Variants in NHSL1 observed in about 807,000 individuals in gnomAD.
The protein encoded by NHSL1 is NHS-like protein 1.
A neutral mutation model predicts 95.0 loss-of-function variants in NHSL1; 48 were observed. The ratio of observed to expected loss-of-function variants is 0.51; its 90% confidence interval spans 0.40 to 0.64. The LOEUF (loss-of-function observed/expected upper bound fraction) is 0.64. Among genes scored for constraint, NHSL1 ranks in the 30% least tolerant of loss-of-function variants. The probability of loss-of-function intolerance (pLI) is 0.00; values close to 1 mark genes in which losing one functional copy is unlikely to be tolerated. For missense variants in NHSL1, 1,971 were observed against 2,077.7 expected (o/e 0.95, Z 1.00); for synonymous variants, 783 against 833.9 (o/e 0.94, Z 1.05).
At chr6:138,627,223 A>C (rs1784752150) in intron 1 of NHSL1, among the ~76,000 whole-genome samples, 1 of 152,190 alleles carries the variant, frequency 6.6e-6, no homozygotes, top group Non-Finnish European at 1.5e-5. Flanking sequence ...GCTACCTACC[A>C]CACAGTCTGT....
chr6:138,512,907 T>A (rs921663563), intron 1 of NHSL1, among the ~76,000 whole-genome samples: 1 of 152,228 alleles, frequency 6.6e-6, no homozygotes, highest in Non-Finnish European at 1.5e-5. Context: ...GTTACCTCCC[T>A]TCTCCACAAC....
intron 1 of NHSL1, among the ~76,000 whole-genome samples, chr6:138,543,215 C>T (rs73557335): frequency 6.6e-6 from 1 of 152,074 alleles, no homozygotes; most frequent in African/African-American, 2.4e-5. Context: ...ACGTACCATG[C>T]CTTTGTTAGC....
intron 1 of NHSL1, among the ~76,000 whole-genome samples, chr6:138,602,177 CT>C (rs1784378936): frequency 6.6e-6 from 1 of 152,194 alleles, no homozygotes; most frequent in Non-Finnish European, 1.5e-5. Flanking sequence ...GATATCTTTA[CT>C]ATGGTGTGTC....
chr6:138,527,027 A>G (rs1014368648), intron 1 of NHSL1, among the ~76,000 whole-genome samples: 9 of 152,278 alleles, frequency 5.9e-5, no homozygotes, highest in African/African-American at 1.9e-4. Flanking sequence ...CTACCCTGTC[A>G]TGTGTCTAAC....
chr6:138,499,240 C>CTTAAAAAG lies in NHSL1; in HGVS notation c.43_50dup (p.Lys17AsnfsTer11). 1 of 1,546,884 alleles carries CTTAAAAAG rather than the reference C, an allele frequency of 6.5e-7. No homozygotes were observed. The highest frequency in any genetic ancestry group is 8.7e-7 in the Non-Finnish European group (1 of 1,143,052). Reference sequence around the variant, plus strand: ...AGAAAAGGAACTACTTACTTTTCTTCTTAAAAAGTTTAATTAAAGACTTAA... The same window carrying CTTAAAAAG: ...AGAAAAGGAACTACTTACTTTTCTTCTTAAAAAGTTAAAAAGTTTAATTAAAGACTTAA... On this transcript the variant is annotated frameshift_variant, in exon 1 of 8. Transcript: ENST00000343505. LOFTEE classifies it high-confidence loss of function.
intron 1 of NHSL1, among the ~76,000 whole-genome samples, chr6:138,690,273 G>C (rs1349219347): frequency 2.0e-5 from 3 of 152,200 alleles, no homozygotes; most frequent in Non-Finnish European, 4.4e-5. Flanking sequence ...AATCCTAACA[G>C]ATGGTAATGC....
intron 4 of NHSL1, among the ~76,000 whole-genome samples, chr6:138,444,884 C>T (rs1928277): frequency 0.24 from 36,079 of 152,008 alleles, 7,469 homozygotes; most frequent in African/African-American, 0.52. Flanking sequence ...TCAATAAATA[C>T]GTGATTAGGT....
rs565859936 is a variant in NHSL1, at chr6:138,641,877, T to A, written c.96+50599A>T. On this transcript the variant is annotated intron_variant, in intron 1 of 3. Coordinates refer to the NHSL1 transcript ENST00000491526. Reference sequence around the variant, plus strand: ...TCCTGTCTCCTATATTTTCTTCGATTTCTATAAATATTTCAATGCTTCCCT... The same window carrying A: ...TCCTGTCTCCTATATTTTCTTCGATATCTATAAATATTTCAATGCTTCCCT... Among the ~76,000 whole-genome samples the A allele has an allele frequency of 4.0e-4, 61 of 152,280 alleles. 2 individuals are homozygous for A. The South Asian group carries it at 0.012, about 31-fold the overall frequency.
At chr6:138,460,733 T>A (rs568192770) in intron 3 of NHSL1, among the ~76,000 whole-genome samples, 1 of 151,898 alleles carries the variant, frequency 6.6e-6, no homozygotes, top group Non-Finnish European at 1.5e-5. Context: ...AATCATAAAA[T>A]TCTCTGCTTA....
At chr6:138,594,689 G>T (rs1784277807) in intron 1 of NHSL1, among the ~76,000 whole-genome samples, 1 of 151,884 alleles carries the variant, frequency 6.6e-6, no homozygotes, top group Non-Finnish European at 1.5e-5. Flanking sequence ...AATTGAGAGG[G>T]TGTGTACTTT....
chr6:138,457,440 C>T (rs1291728657), intron 3 of NHSL1, among the ~76,000 whole-genome samples: 1 of 151,960 alleles, frequency 6.6e-6, no homozygotes, highest in Admixed American at 6.6e-5. Context: ...GAACAATTAG[C>T]CAGAGTAAAT....
rs1242542798 is a variant in NHSL1, at chr6:138,424,851, C to T, written c.4086-35G>A. ...AATAACATTAAGAAAAAGGTTAATT[C>T]CCACGGGACCACAGGCTGTCAGCCA... On this transcript the variant is annotated intron_variant, in intron 7 of 7. Transcript: ENST00000343505. This position sits in a 1 kb window ranked among gnomAD's most constrained non-coding sequence, Gnocchi z 5.9. 3.3e-6 allele frequency: 5 copies of T among 1,516,598 alleles called. No homozygotes were observed. Among genetic ancestry groups the T allele is most frequent in the Middle Eastern group, 1.8e-4 (1 of 5,714 alleles). The allele number at this position is 1,516,598 out of a possible 1,614,324, so 93.9% of individuals were successfully genotyped here. A position where few individuals can be genotyped will look rare whatever the true frequency, so the allele number is the denominator to read the frequency against.
Position 138,650,973 on chromosome 6 carries a change from C to G in NHSL1, c.96+41503G>C, listed in dbSNP as rs539072317. ...AGATAGAGGACCTTCCTCCCCAGCACATAAGGCTTTGTGTTTGGGTCTTCC... is the reference window on the plus strand; with the variant it reads ...AGATAGAGGACCTTCCTCCCCAGCAGATAAGGCTTTGTGTTTGGGTCTTCC... On this transcript the variant is annotated intron_variant, in intron 1 of 3. Coordinates refer to the NHSL1 transcript ENST00000491526. 5.8e-6 allele frequency: 3 copies of G among 518,768 alleles called. No homozygotes were observed. In the African/African-American group the frequency reaches 5.8e-5, roughly 10 times the overall value. 32.1% of individuals were successfully genotyped at this position (518,768 alleles called of 1,614,324 possible). A position where few individuals can be genotyped will look rare whatever the true frequency, so the allele number is the denominator to read the frequency against.
At chr6:138,634,819 C>CA (rs200261699) in intron 1 of NHSL1, among the ~76,000 whole-genome samples, 7,067 of 132,464 alleles carry the variant, frequency 0.053, 210 homozygotes, top group South Asian at 0.086. Flanking sequence ...CTAAAACATT[C>CA]AAAAAAAAAA....
intron 1 of NHSL1, among the ~76,000 whole-genome samples, chr6:138,553,655 C>G (rs1783091992): frequency 6.6e-6 from 1 of 151,974 alleles, no homozygotes; most frequent in Non-Finnish European, 1.5e-5. Context: ...AGCATAGATT[C>G]CTATGAAAAG....
At chr6:138,528,894 C>A (rs1027099370) in intron 1 of NHSL1, among the ~76,000 whole-genome samples, 2 of 152,114 alleles carry the variant, frequency 1.3e-5, no homozygotes, top group Non-Finnish European at 2.9e-5. Flanking sequence ...TTCGAGGGAG[C>A]CTTTGACAAA....
intron 1 of NHSL1, among the ~76,000 whole-genome samples, chr6:138,543,555 T>C (rs1443154503): frequency 6.6e-6 from 1 of 152,180 alleles, no homozygotes; most frequent in Non-Finnish European, 1.5e-5. Flanking sequence ...AGGAACATGA[T>C]TTAAACCAAA....
intron 1 of NHSL1, among the ~76,000 whole-genome samples, chr6:138,579,762 T>C (rs562037689): frequency 4.6e-5 from 7 of 152,368 alleles, no homozygotes; most frequent in African/African-American, 1.7e-4. Context: ...TCCTAGTAGA[T>C]GTTTAAAAAA....
chr6:138,518,231 A>T (rs1213122253), intron 1 of NHSL1, among the ~76,000 whole-genome samples: 2 of 152,204 alleles, frequency 1.3e-5, no homozygotes, highest in Non-Finnish European at 2.9e-5. Flanking sequence ...GAAACTGAAG[A>T]GTGTCAGAGA....
Sources: allele counts gnomAD v4.1 joint callset (sites outside exome capture counted in the v4.1 genomes callset), GRCh38; gene constraint gnomAD v4.1.1; non-coding constraint Gnocchi (gnomAD v3.1); transcripts MANE v1.5; gene names NCBI Gene and HGNC (gene_info 2026-07-23, HGNC 2026-07-21).